The following CTNS variants were observed in gnomAD, a reference collection of about 807,000 sequenced individuals.
CTNS encodes the protein cystinosin, lysosomal cystine transporter.
CTNS carries 27 observed loss-of-function variants against 43.7 expected under a neutral mutation model. The ratio of observed to expected loss-of-function variants is 0.62; its 90% CI spans 0.46 to 0.85. The LOEUF (loss-of-function observed/expected upper bound fraction) is 0.85. CTNS is among the 40% of genes least tolerant of loss of function. CTNS has a pLI of 0.00. For missense variants in CTNS, 457 were observed against 475.4 expected, an observed-to-expected ratio of 0.96 and a Z score of 0.36; for synonymous variants, 187 against 190.6, an observed-to-expected ratio of 0.98 and a Z score of 0.16.
chr17:3,658,403 G>A lies in CTNS; in HGVS notation c.852+228G>A, dbSNP rs9900963. Among the ~76,000 whole-genome samples the A allele has an allele frequency of 0.04, 6,078 of 152,302 alleles. 208 individuals carry two copies. The highest frequency in any genetic ancestry group is 0.088 in the African/African-American group (3,675 of 41,558). ...CTAGCGGAGGCCCCTTGGACCCCAC[G>A]CTCCCCTAAGCATCAGGTGTGCGGG... On this transcript the variant is annotated intron_variant, in intron 10 of 11. Transcript: ENST00000046640.
At chr17:3,643,208 G>A (rs2150896654) in intron 3 of CTNS, among the ~76,000 whole-genome samples, 1 of 152,058 alleles carries the variant, frequency 6.6e-6, no homozygotes, top group East Asian at 1.9e-4. Context: ...CAGCTACTCG[G>A]GAGGCTGAGA....
rs370440242 is a variant in CTNS at position 3,659,864 on chromosome 17, A to G, written c.859A>G (p.Met287Val). Residue 287 changes from methionine to valine, a missense_variant, in exon 11 of 12, where the codon ATG (methionine) becomes GTG (valine). By Grantham distance (21) the Met-to-Val change is conservative. Transcript: ENST00000046640. Reference sequence around the variant, plus strand: ...GTCCGTCTGTCTGGCCCAGGCCTACATGAACTTTTACTACAAAAGCACTGA... The same window carrying G: ...GTCCGTCTGTCTGGCCCAGGCCTACGTGAACTTTTACTACAAAAGCACTGA... The part of the protein sequence containing the change: ...TLVKYFPQAY[M>V]NFYYKSTEGW... 35 of 1,613,434 alleles carry G rather than the reference A, an allele frequency of 2.2e-5. 1 individual carries two copies. The African/African-American group carries it at 3.6e-4, about 17-fold the overall frequency.
At chr17:3,639,950 CA>C (rs755636704) in intron 2 of CTNS, among the ~76,000 whole-genome samples, 7 of 152,158 alleles carry the variant, frequency 4.6e-5, no homozygotes, top group Non-Finnish European at 8.8e-5. Flanking sequence ...TTCACTTCCT[CA>C]GGGGGGCACT....
chr17:3,656,133 C>T (rs1279859177), intron 7 of CTNS, among the ~76,000 whole-genome samples: 19 of 124,796 alleles, frequency 1.5e-4, no homozygotes, highest in Non-Finnish European at 3.0e-4. Flanking sequence ...CTCGCCAGTC[C>T]TCGCCCCTGG....
chr17:3,659,534 G>A (rs1404091238), intron 10 of CTNS, among the ~76,000 whole-genome samples: 2 of 152,256 alleles, frequency 1.3e-5, no homozygotes, highest in Non-Finnish European at 1.5e-5. Flanking sequence ...ATAGCTACAG[G>A]GAAACTAGCA....
chr17:3,642,361 T>C (rs2075741761), intron 3 of CTNS, among the ~76,000 whole-genome samples: 1 of 152,112 alleles, frequency 6.6e-6, no homozygotes, highest in African/African-American at 2.4e-5. Context: ...CCCTGCTGCA[T>C]GAGATCACTT....
chr17:3,648,839 C>T lies in CTNS; in HGVS notation c.141-8C>T, dbSNP rs768912772. The T allele has an allele frequency of 3.7e-6, 6 of 1,611,332 alleles. No homozygotes were observed. The highest frequency in any genetic ancestry group is 1.7e-5 in the Admixed American group (1 of 60,016). ...TCTCAGCAGTAATTAGACTCTTGTC[C>T]TCCACAGGCCACCATTAAATGCAAC... On this transcript the variant is annotated splice_region_variant and splice_polypyrimidine_tract_variant and intron_variant, in intron 4 of 11. Transcript: ENST00000046640.
chr17:3,644,099 C>T (rs1391321077), intron 3 of CTNS, among the ~76,000 whole-genome samples: 1 of 152,158 alleles, frequency 6.6e-6, no homozygotes, highest in Non-Finnish European at 1.5e-5. Flanking sequence ...CTGCCTCCCA[C>T]CTTGGGCTAA....
intron 7 of CTNS, 83 bp downstream of exon 7, chr17:3,655,435 T>A: frequency 6.3e-7 from 1 of 1,582,832 alleles, no homozygotes; most frequent in Non-Finnish European, 8.6e-7. Flanking sequence ...TAGCGCAGCC[T>A]CCAACGTCCC....
intron 3 of CTNS, 53 bp downstream of exon 3, chr17:3,640,320 G>A: frequency 6.5e-7 from 1 of 1,528,002 alleles, no homozygotes; most frequent in Non-Finnish European, 9.1e-7. Flanking sequence ...GGTGGCTAGA[G>A]GAAGGAGTAA....
chr17:3,647,676 C>T, intron 4 of CTNS, 154 bp downstream of exon 4: 3 of 732,328 alleles, frequency 4.1e-6, no homozygotes, highest in Non-Finnish European at 4.8e-6. Context: ...GTGCTAGCCC[C>T]GGGCTGCAGG....
chr17:3,653,876 C>CGG (rs1555562513), intron 5 of CTNS, among the ~76,000 whole-genome samples: 1 of 34,102 alleles, frequency 2.9e-5, no homozygotes, highest in African/African-American at 4.0e-5. Context: ...AACTCCATCT[C>CGG]GGGGGAAAAA....
In CTNS at chr17:3,662,155, A is replaced by G. The variant is rs2076286851; in HGVS notation, c.*1786A>G. 6.6e-6 allele frequency among the ~76,000 whole-genome samples: 1 copy of G among 152,160 alleles called. No individual in the cohort carries two copies. Among genetic ancestry groups the G allele is most frequent in the African/African-American group, 2.4e-5 (1 of 41,436 alleles). On this transcript the variant is annotated 3_prime_UTR_variant, in exon 12 of 12. Coordinates refer to ENST00000046640, the MANE Select transcript of CTNS (RefSeq NM_004937.3). ...GCAAAACCCCATCTCTACTAAAGAT[A>G]CAAAAATTAGCTGGGCATGGTGGCG...
chr17:3,643,765 C>A (rs1220591440), intron 3 of CTNS, among the ~76,000 whole-genome samples: 1 of 152,130 alleles, frequency 6.6e-6, no homozygotes, highest in African/African-American at 2.4e-5. Flanking sequence ...CAGAGTTTCA[C>A]CATGTTGGCC....
At chr17:3,641,355 G>GAGATATAT (rs777820533) in intron 3 of CTNS, among the ~76,000 whole-genome samples, 1 of 64,062 alleles carries the variant, frequency 1.6e-5, no homozygotes, top group African/African-American at 8.1e-5. Context: ...ACAAAAATCA[G>GAGATATAT]ATACATATAT....
At chr17:3,638,913 C>T (rs1010014415) in intron 2 of CTNS, among the ~76,000 whole-genome samples, 3 of 152,130 alleles carry the variant, frequency 2.0e-5, no homozygotes, top group South Asian at 2.1e-4. Flanking sequence ...AGAGTAGGTA[C>T]GGGGTCATTC....
At chr17:3,655,904 G>C (rs1317655244) in intron 7 of CTNS, 1 of 251,528 alleles carries the variant, frequency 4.0e-6, no homozygotes, top group Admixed American at 5.0e-5. Context: ...AGGGAGGAGG[G>C]AAGTAGCTCT....
rs57286057 is a variant in CTNS at position 3,641,385 on chromosome 17, T to TATATATATATATATATA, written c.61+1118_61+1119insATATATATATATATATA. ...ATATATATATATATATATATATATA[T>TATATATATATATATATA]TTTTTTTTTTTTTTTTTTTTTTTTG... On this transcript the variant is annotated intron_variant, in intron 3 of 11. Coordinates refer to ENST00000046640, the MANE Select transcript of CTNS (RefSeq NM_004937.3). 1.1e-3 allele frequency among the ~76,000 whole-genome samples: 46 copies of TATATATATATATATATA among 41,936 alleles called. 2 individuals are homozygous for TATATATATATATATATA. Among genetic ancestry groups the TATATATATATATATATA allele is most frequent in the South Asian group, 6.0e-3 (6 of 996 alleles). 27.5% of individuals were successfully genotyped at this position (41,936 alleles called of 152,430 possible). A position where few individuals can be genotyped will look rare whatever the true frequency, so the allele number is the denominator to read the frequency against.
At chr17:3,642,901 C>G (rs114195768) in intron 3 of CTNS, among the ~76,000 whole-genome samples, 1,868 of 152,274 alleles carry the variant, frequency 0.012, 44 homozygotes, top group African/African-American at 0.042. Context: ...TGGCAAGAAC[C>G]TGGGCTTTGG....
Sources: allele counts gnomAD v4.1 joint callset (sites outside exome capture counted in the v4.1 genomes callset), GRCh38; gene constraint gnomAD v4.1.1; transcripts MANE v1.5; gene names NCBI Gene and HGNC (gene_info 2026-07-23, HGNC 2026-07-21).